NWD2: variants seen among roughly 807,000 people sequenced by gnomAD.
NWD2 encodes the protein NACHT and WD repeat domain-containing protein 2.
In NWD2, 37 loss-of-function variants were observed where a neutral mutation model predicts 132.7. The ratio of observed to expected loss-of-function variants is 0.28; its 90% confidence interval spans 0.21 to 0.37. The LOEUF (loss-of-function observed/expected upper bound fraction) is 0.37. Ranked by LOEUF, NWD2 falls within the 10% of genes least tolerant of loss-of-function variation. The pLI, the probability that NWD2 is intolerant of heterozygous loss-of-function variation, is 1.00. For synonymous variants in NWD2, 705 were observed against 803.0 expected, an observed-to-expected ratio of 0.88 and a Z score of 2.06; for missense variants, 1,592 against 2,122.4, an observed-to-expected ratio of 0.75 and a Z score of 4.91.
Position 37,326,567 on chromosome 4 carries a change from G to T in NWD2, c.240+543G>T, listed in dbSNP as rs1201853317. ...AGCGATGGCACACATCATTGCTAAA[G>T]TTCATGAACATCCTAACATTTTAAT... On this transcript the variant is annotated intron_variant, in intron 2 of 6. Coordinates refer to ENST00000309447, the MANE Select transcript of NWD2 (RefSeq NM_001144990.2). 3.9e-5 allele frequency among the ~76,000 whole-genome samples: 6 copies of T among 152,152 alleles called. No homozygotes were observed. In the South Asian group the frequency reaches 6.2e-4, roughly 16 times the overall value.
chr4:37,401,043 C>T (rs962178517), intron 3 of NWD2, among the ~76,000 whole-genome samples: 1 of 152,136 alleles, frequency 6.6e-6, no homozygotes, highest in African/African-American at 2.4e-5. Flanking sequence ...GATCATAACA[C>T]TTGTGTTTAA....
intron 1 of NWD2, among the ~76,000 whole-genome samples, chr4:37,323,710 A>T (rs935185350): frequency 6.6e-6 from 1 of 152,164 alleles, no homozygotes; most frequent in Non-Finnish European, 1.5e-5. Context: ...AGAGAAATAG[A>T]TCATTATACC....
At chr4:37,366,802 A>G (rs986498890) in intron 3 of NWD2, among the ~76,000 whole-genome samples, 3 of 152,308 alleles carry the variant, frequency 2.0e-5, no homozygotes, top group Non-Finnish European at 4.4e-5. Context: ...TAATATTTCT[A>G]TATTTCTATG....
intron 1 of NWD2, among the ~76,000 whole-genome samples, chr4:37,257,519 G>T (rs1717544159): frequency 6.6e-6 from 1 of 151,994 alleles, no homozygotes; most frequent in Non-Finnish European, 1.5e-5. Context: ...GCTACACCTA[G>T]GCATCTAAAA....
At chr4:37,286,028 C>T (rs996642006) in intron 1 of NWD2, among the ~76,000 whole-genome samples, 8 of 152,204 alleles carry the variant, frequency 5.3e-5, no homozygotes, top group Non-Finnish European at 1.0e-4. Context: ...ATTTAAACGT[C>T]TTGCCAATGC....
At chr4:37,405,956 T>C (rs938196075) in intron 3 of NWD2, among the ~76,000 whole-genome samples, 1 of 152,198 alleles carries the variant, frequency 6.6e-6, no homozygotes, top group African/African-American at 2.4e-5. Flanking sequence ...GAACCCAGAA[T>C]TGAAACTGTT....
At chr4:37,329,734 T>C (rs1664520390) in intron 2 of NWD2, among the ~76,000 whole-genome samples, 1 of 152,188 alleles carries the variant, frequency 6.6e-6, no homozygotes, top group African/African-American at 2.4e-5. Flanking sequence ...AGAATTTTAT[T>C]GAGTTGGAAG....
chr4:37,398,422 G>A (rs1428948709), intron 3 of NWD2, among the ~76,000 whole-genome samples: 1 of 152,196 alleles, frequency 6.6e-6, no homozygotes, highest in Non-Finnish European at 1.5e-5. Context: ...GACACAGGGA[G>A]GGGAACGTCA....
At position 37,383,778 on chromosome 4, in the gene NWD2, G is replaced by A. The variant is rs115823360; in HGVS notation, c.357+27296G>A. 8.0e-3 allele frequency among the ~76,000 whole-genome samples: 1,214 copies of A among 152,186 alleles called. 5 individuals carry two copies. The highest frequency in any genetic ancestry group is 0.021 in the South Asian group (100 of 4,812). Reference sequence around the variant, plus strand: ...ATGGCTCTTACTTTGGACTCTGAACGTTTTTAGTAAGTTTGCAAAAGTTTT... The same window carrying A: ...ATGGCTCTTACTTTGGACTCTGAACATTTTTAGTAAGTTTGCAAAAGTTTT... On this transcript the variant is annotated intron_variant, in intron 3 of 6. Coordinates refer to ENST00000309447, the MANE Select transcript of NWD2 (RefSeq NM_001144990.2).
chr4:37,265,449 G>A (rs1441506377), intron 1 of NWD2, among the ~76,000 whole-genome samples: 1 of 152,114 alleles, frequency 6.6e-6, no homozygotes, highest in South Asian at 2.1e-4. Context: ...TTGAGTTCTG[G>A]AGGTCAGAAG....
chr4:37,445,729 C>G lies in NWD2; in HGVS notation c.3741C>G (p.Ile1247Met). Residue 1247 changes from isoleucine to methionine, a missense_variant, in exon 7 of 7, where the codon ATC becomes ATG. Physicochemically the swap from Ile to Met is conservative, Grantham distance 10. Coordinates refer to ENST00000309447, the MANE Select transcript of NWD2 (RefSeq NM_001144990.2). The surrounding 1 kb of genome is among the most constrained non-coding windows in gnomAD (Gnocchi z 4.7). ...AVLSKNGDCI[I>M]ATMENTSAVF... ...TGTCTAAAAATGGAGATTGTATCAT[C>G]GCCACCATGGAAAATACCTCAGCTG... 6.4e-7 allele frequency: 1 copy of G among 1,551,838 alleles called. No individual in the cohort carries two copies. The highest frequency in any genetic ancestry group is 2.4e-5 in the East Asian group (1 of 40,924).
intron 3 of NWD2, among the ~76,000 whole-genome samples, chr4:37,400,679 T>C (rs1720881139): frequency 2.0e-5 from 3 of 152,240 alleles, no homozygotes; most frequent in African/African-American, 7.2e-5. Flanking sequence ...ACTGTGACCA[T>C]TAATGCATTA....
chr4:37,394,809 T>C (rs112880354), intron 3 of NWD2, among the ~76,000 whole-genome samples: 1 of 66,136 alleles, frequency 1.5e-5, no homozygotes, highest in East Asian at 5.2e-4. Context: ...GTTTTTTTTT[T>C]TTTTTTTTTT....
At chr4:37,296,632 C>G (rs1718500827) in intron 1 of NWD2, among the ~76,000 whole-genome samples, 1 of 152,060 alleles carries the variant, frequency 6.6e-6, no homozygotes, top group African/African-American at 2.4e-5. Flanking sequence ...TAGGTGGGAA[C>G]TAAGCTATGA....
intron 3 of NWD2, among the ~76,000 whole-genome samples, chr4:37,364,072 AG>A (rs1231540825): frequency 6.6e-6 from 1 of 152,156 alleles, no homozygotes; most frequent in African/African-American, 2.4e-5. Context: ...CAGGAGGCGG[AG>A]GTTGCAGTGA....
At chr4:37,325,716 A>T (rs149557535) in intron 1 of NWD2, among the ~76,000 whole-genome samples, 1 of 152,282 alleles carries the variant, frequency 6.6e-6, no homozygotes, top group Non-Finnish European at 1.5e-5. Context: ...AGAACCAAGA[A>T]GTGGTCCATC....
At chr4:37,364,817 A>G (rs1165488609) in intron 3 of NWD2, among the ~76,000 whole-genome samples, 1 of 152,138 alleles carries the variant, frequency 6.6e-6, no homozygotes, top group Non-Finnish European at 1.5e-5. Context: ...TAAGCCCAGT[A>G]TGCACAAAGT....
At chr4:37,276,397 C>A (rs985976342) in intron 1 of NWD2, among the ~76,000 whole-genome samples, 2 of 152,064 alleles carry the variant, frequency 1.3e-5, no homozygotes, top group Admixed American at 6.6e-5. Flanking sequence ...ATGAGATAAC[C>A]TCTCACACCA....
In NWD2 at chr4:37,430,601, C is replaced by G; in HGVS notation, c.387C>G (p.Ile129Met). ...TATTAGGTGAAAAATATGGGAATAT[C>G]CGAATCCCTGGAGAAGTTGAAGCCT... is the stretch of plus-strand genomic sequence containing the variant. Reference protein sequence around the residue: ...VGLLGEKYGNIRIPGEVEASE... With the variant: ...VGLLGEKYGNMRIPGEVEASE... The change falls in exon 4 of 7, where the codon ATC becomes ATG. Residue 129 changes from isoleucine to methionine, a missense_variant. Physicochemically the swap from Ile to Met is conservative, Grantham distance 10. Coordinates refer to ENST00000309447, the MANE Select transcript of NWD2 (RefSeq NM_001144990.2). 1 of 1,551,530 alleles carries G rather than the reference C, an allele frequency of 6.4e-7. No homozygotes were observed. The highest frequency in any genetic ancestry group is 2.4e-5 in the East Asian group (1 of 40,910).
Sources: allele counts gnomAD v4.1 joint callset (sites outside exome capture counted in the v4.1 genomes callset), GRCh38; gene constraint gnomAD v4.1.1; non-coding constraint Gnocchi (gnomAD v3.1); transcripts MANE v1.5; gene names NCBI Gene and HGNC (gene_info 2026-07-23, HGNC 2026-07-21).